PATJ: variants seen among roughly 807,000 people sequenced by gnomAD.
The protein encoded by PATJ is inaD-like protein.
Under a neutral mutation model 224.9 loss-of-function variants are expected in PATJ, and 190 were observed. The observed-to-expected ratio is 0.84, with a 90% CI of 0.75 to 0.95. The LOEUF (loss-of-function observed/expected upper bound fraction) is 0.95, where lower values mean the gene tolerates loss of function less well. Ranked by LOEUF, PATJ falls within the 40% of genes least tolerant of loss-of-function variation. The pLI, the probability that PATJ is intolerant of heterozygous loss-of-function variation, is 0.00. For missense variants in PATJ, 2,121 were observed against 2,270.3 expected (o/e 0.93, Z 1.34); for synonymous variants, 769 against 820.3 (o/e 0.94, Z 1.07).
At chr1:62,066,350 A>G (rs1656416097) in intron 31 of PATJ, among the ~76,000 whole-genome samples, 1 of 152,156 alleles carries the variant, frequency 6.6e-6, no homozygotes, top group Admixed American at 6.5e-5. Flanking sequence ...TAAGGTTAAT[A>G]AGTATTATTG....
chr1:61,814,130 C>CTTTTTTTTTTTTTT (rs762502160), intron 14 of PATJ, among the ~76,000 whole-genome samples: 12 of 85,896 alleles, frequency 1.4e-4, no homozygotes, highest in Admixed American at 3.2e-4. Context: ...TTATTCTCTT[C>CTTTTTTTTTTTTTT]TTTTTTTTTT....
chr1:62,002,000 T>G (rs1402382374), intron 28 of PATJ, among the ~76,000 whole-genome samples: 1 of 152,148 alleles, frequency 6.6e-6, no homozygotes, highest in South Asian at 2.1e-4. Context: ...AAATAATGAA[T>G]GAGAATTGGG....
chr1:61,904,314 A>G (rs921959044), intron 24 of PATJ, among the ~76,000 whole-genome samples: 2 of 152,194 alleles, frequency 1.3e-5, no homozygotes, highest in Non-Finnish European at 2.9e-5. Context: ...GGAAATTACA[A>G]AGAAGTGTAC....
At chr1:61,951,051 C>T (rs1001008217) in intron 27 of PATJ, among the ~76,000 whole-genome samples, 1 of 152,092 alleles carries the variant, frequency 6.6e-6, no homozygotes, top group African/African-American at 2.4e-5. Flanking sequence ...GAATCTGAGG[C>T]AGGAGAATTG....
chr1:61,804,771 G>T (rs111493237), intron 12 of PATJ, among the ~76,000 whole-genome samples: 1 of 152,052 alleles, frequency 6.6e-6, no homozygotes, highest in Non-Finnish European at 1.5e-5. Flanking sequence ...ATCTGTTTTG[G>T]CACTGTAAAA....
intron 33 of PATJ, 69 bp downstream of exon 33, chr1:62,084,717 G>C: frequency 6.7e-6 from 10 of 1,500,780 alleles, no homozygotes; most frequent in Non-Finnish European, 8.2e-6. Context: ...TTGGCCCTGC[G>C]CCACAACTCT....
rs1208649315 is a variant in PATJ at position 62,017,883 on chromosome 1, A to T, written c.3895A>T (p.Ser1299Cys). The T allele has an allele frequency of 6.2e-7, 1 of 1,611,126 alleles. No individual in the cohort carries two copies. Among genetic ancestry groups the T allele is most frequent in the Non-Finnish European group, 8.5e-7 (1 of 1,177,368 alleles). Reference sequence around the variant, plus strand: ...AAACAATCAGATTCTGTATGGAAGAAGTCACCAAAATGCATCTGCCATTAT... The same window carrying T: ...AAACAATCAGATTCTGTATGGAAGATGTCACCAAAATGCATCTGCCATTAT... ...EINNQILYGRSHQNASAIIKT... is the reference protein window; with the variant it reads ...EINNQILYGRCHQNASAIIKT... The change falls in exon 29 of 44, where the codon AGT becomes TGT. Residue 1299 changes from serine to cysteine, a missense_variant. Physicochemically the swap from Ser to Cys is moderately radical, Grantham distance 112. Coordinates refer to ENST00000642238, the MANE Select transcript of PATJ (RefSeq NM_001350145.3).
intron 33 of PATJ, among the ~76,000 whole-genome samples, chr1:62,091,371 T>G (rs944716435): frequency 2.6e-5 from 4 of 152,256 alleles, no homozygotes; most frequent in Admixed American, 2.6e-4. Flanking sequence ...TAAATCTGCT[T>G]CTTCATTTGT....
chr1:61,867,765 C>T (rs1406873725), intron 20 of PATJ, among the ~76,000 whole-genome samples: 1 of 152,062 alleles, frequency 6.6e-6, no homozygotes, highest in East Asian at 1.9e-4. Context: ...CAGTGAGGAA[C>T]ACTTACACCC....
chr1:61,754,209 C>T (rs1346398306), intron 1 of PATJ, among the ~76,000 whole-genome samples: 7 of 152,162 alleles, frequency 4.6e-5, no homozygotes, highest in African/African-American at 9.7e-5. Flanking sequence ...TCAGTTTCAC[C>T]GTGTTTCAAC....
At chr1:61,877,557 G>A (rs1377781562) in intron 21 of PATJ, among the ~76,000 whole-genome samples, 1 of 151,928 alleles carries the variant, frequency 6.6e-6, no homozygotes, top group Non-Finnish European at 1.5e-5. Context: ...GAATTTTCAA[G>A]AGATCTGATG....
intron 22 of PATJ, among the ~76,000 whole-genome samples, chr1:61,887,569 G>A (rs75540128): frequency 0.03 from 4,510 of 152,268 alleles, 124 homozygotes; most frequent in Admixed American, 0.048. Context: ...GTGAGAGAAT[G>A]AGCTTCACCC....
chr1:62,109,311 ACAT>A, intron 34 of PATJ, among the ~76,000 whole-genome samples: 1 of 152,204 alleles, frequency 6.6e-6, no homozygotes, highest in South Asian at 2.1e-4. Context: ...CTTACAAATG[ACAT>A]CATAGAATTT....
chr1:61,824,231 C>T (rs1323295945), intron 15 of PATJ, among the ~76,000 whole-genome samples: 1 of 71,900 alleles, frequency 1.4e-5, no homozygotes, highest in East Asian at 8.0e-4. Flanking sequence ...CAATTTAATT[C>T]ACTTTTTTTT....
chr1:62,146,480 A>C (rs917416319), intron 41 of PATJ, among the ~76,000 whole-genome samples: 2 of 152,164 alleles, frequency 1.3e-5, no homozygotes, highest in Admixed American at 6.5e-5. Flanking sequence ...TTCATAGAAA[A>C]ACGAATAGAA....
intron 14 of PATJ, among the ~76,000 whole-genome samples, chr1:61,812,433 A>AGTGTGTGTGTGTGTGTGTGTGTGTGT (rs71050167): frequency 1.2e-5 from 1 of 85,144 alleles, no homozygotes; most frequent in Admixed American, 1.2e-4. Context: ...AGAGAGAGAG[A>AGTGTGTGTGTGTGTGTGTGTGTGTGT]GTGTGTGTGT....
chr1:61,787,776 AC>A lies in PATJ; in HGVS notation c.874del (p.His292ThrfsTer3). On this transcript the variant is annotated frameshift_variant, in exon 8 of 44. Coordinates refer to ENST00000642238, the MANE Select transcript of PATJ (RefSeq NM_001350145.3). LOFTEE classifies it high-confidence loss of function. ...ADRDGRLQTG[D>X]HILKIGGTNV... ...AAGGATGGAAGACTCCAGACAGGGG[AC>A]CACATCTTGAAGATTGGTGGCACAA... 3 of 1,613,966 alleles carry A rather than the reference AC, an allele frequency of 1.9e-6. No homozygotes were observed. The highest frequency in any genetic ancestry group is 2.5e-6 in the Non-Finnish European group (3 of 1,179,808).
intron 25 of PATJ, among the ~76,000 whole-genome samples, chr1:61,914,110 T>A (rs1673078921): frequency 6.6e-6 from 1 of 152,238 alleles, no homozygotes; most frequent in Non-Finnish European, 1.5e-5. Flanking sequence ...TTTTACTCTT[T>A]AGATGAAGTT....
chr1:61,857,394 T>C (rs886289003), intron 18 of PATJ, among the ~76,000 whole-genome samples: 1 of 152,240 alleles, frequency 6.6e-6, no homozygotes, highest in African/African-American at 2.4e-5. Flanking sequence ...ATTGAGTAAC[T>C]TACCCAAGTT....
Sources: allele counts gnomAD v4.1 joint callset (sites outside exome capture counted in the v4.1 genomes callset), GRCh38; gene constraint gnomAD v4.1.1; transcripts MANE v1.5; gene names NCBI Gene and HGNC (gene_info 2026-07-23, HGNC 2026-07-21).